BACH2: variants seen among roughly 807,000 people sequenced by gnomAD.
BACH2 encodes the protein transcription regulator protein BACH2.
In BACH2, 5 loss-of-function variants were observed where a neutral mutation model predicts 61.8. The ratio of observed to expected loss-of-function variants is 0.08; its 90% CI spans 0.04 to 0.17. The LOEUF is 0.17. Ranked by LOEUF, BACH2 falls within the 10% of genes least tolerant of loss-of-function variation. The pLI is 1.00. For missense variants in BACH2, 824 were observed against 1,091.1 expected, an observed-to-expected ratio of 0.76 and a Z score of 3.45; for synonymous variants, 446 against 440.1, an observed-to-expected ratio of 1.01 and a Z score of -0.17.
intron 2 of BACH2, among the ~76,000 whole-genome samples, chr6:90,263,674 A>G (rs1293331520): frequency 6.6e-6 from 1 of 152,206 alleles, no homozygotes; most frequent in Non-Finnish European, 1.5e-5. Flanking sequence ...TGATGACATC[A>G]AGCTTAACAT....
intron 6 of BACH2, among the ~76,000 whole-genome samples, chr6:89,959,265 T>C (rs150572874): frequency 8.5e-5 from 13 of 152,164 alleles, no homozygotes; most frequent in African/African-American, 3.1e-4. Context: ...CTGAAAAACA[T>C]GGTCAGCCCA....
intron 5 of BACH2, among the ~76,000 whole-genome samples, chr6:90,054,111 T>G (rs957454227): frequency 6.6e-6 from 1 of 151,696 alleles, no homozygotes; most frequent in Non-Finnish European, 1.5e-5. Flanking sequence ...GAGTGCCAGA[T>G]AGTAGGTGCA....
At chr6:90,055,463 T>C (rs1277908266) in intron 5 of BACH2, among the ~76,000 whole-genome samples, 1 of 152,072 alleles carries the variant, frequency 6.6e-6, no homozygotes, top group Non-Finnish European at 1.5e-5. Flanking sequence ...TCAAGAAATA[T>C]GGGACTATGT....
rs1380091667 is a variant in BACH2, at chr6:90,092,289, AAAATAT to A, written c.-161-3186_-161-3181del. Among the ~76,000 whole-genome samples the A allele has an allele frequency of 8.9e-3, 224 of 25,294 alleles. 9 individuals carry two copies. The South Asian group carries it at 0.18, about 21-fold the overall frequency. The allele number at this position is 25,294 out of a possible 152,430, so 16.6% of individuals were successfully genotyped here. On this transcript the variant is annotated intron_variant, in intron 4 of 8. Transcript: ENST00000257749. ...TGGCACACTGTCAAAGTAAAAAAAAAAAATATATATATATATATATATATATACACA... is the reference window on the plus strand; with the variant it reads ...TGGCACACTGTCAAAGTAAAAAAAAAATATATATATATATATATATACACA...
intron 4 of BACH2, among the ~76,000 whole-genome samples, chr6:90,100,482 A>C (rs1782566439): frequency 6.6e-6 from 1 of 152,138 alleles, no homozygotes; most frequent in African/African-American, 2.4e-5. Flanking sequence ...TCATCCAATC[A>C]GTTGAAGGCC....
chr6:90,222,065 A>G (rs1181123779), intron 3 of BACH2, among the ~76,000 whole-genome samples: 1 of 152,228 alleles, frequency 6.6e-6, no homozygotes. Context: ...TTAACATGCT[A>G]TCAATATAAA....
chr6:90,164,025 A>G (rs1767508520), intron 4 of BACH2, among the ~76,000 whole-genome samples: 1 of 152,208 alleles, frequency 6.6e-6, no homozygotes, highest in South Asian at 2.1e-4. Context: ...AAGAGCAATC[A>G]CATTCAAAAG....
rs955750909 is a variant in BACH2, at chr6:89,951,916, C to T, written c.244-54G>A. 61 of 1,566,698 alleles carry T rather than the reference C, an allele frequency of 3.9e-5. No individual in the cohort carries two copies. Among genetic ancestry groups the T allele is most frequent in the Admixed American group, 2.3e-4 (13 of 57,348 alleles). On this transcript the variant is annotated intron_variant, in intron 6 of 8. Coordinates refer to ENST00000257749, the MANE Select transcript of BACH2 (RefSeq NM_021813.4). This position sits in a 1 kb window ranked among gnomAD's most constrained non-coding sequence, Gnocchi z 6.4. ...ATTACCATCAGCACTGCTATTGTCC[C>T]GAATCCCTCAACTGAAGCAAGATAA... is the stretch of plus-strand genomic sequence containing the variant.
chr6:90,003,120 C>T (rs926503819), intron 6 of BACH2, among the ~76,000 whole-genome samples: 13 of 152,166 alleles, frequency 8.5e-5, no homozygotes, highest in Non-Finnish European at 1.9e-4. Flanking sequence ...TTTATTTTCA[C>T]GTGGCACTCA....
chr6:90,246,177 A>T (rs1162955708), intron 3 of BACH2, among the ~76,000 whole-genome samples: 1 of 152,128 alleles, frequency 6.6e-6, no homozygotes, highest in Non-Finnish European at 1.5e-5. Flanking sequence ...CTAGGATTCC[A>T]ATTTTATTCT....
chr6:90,184,389 G>GT (rs1768276132), intron 4 of BACH2, among the ~76,000 whole-genome samples: 1 of 152,124 alleles, frequency 6.6e-6, no homozygotes, highest in Non-Finnish European at 1.5e-5. Flanking sequence ...AGAAAAAAAG[G>GT]TAAGAGCTGG....
rs372214373 is a variant in BACH2, at chr6:89,932,727, A to G, written c.2207T>C (p.Met736Thr). Residue 736 changes from methionine (M) to threonine (T), a missense_variant, in exon 9 of 9, where the codon ATG (methionine) becomes ACG (threonine). By Grantham distance (81) the Met-to-Thr change is moderately conservative. Coordinates refer to ENST00000257749, the MANE Select transcript of BACH2 (RefSeq NM_021813.4). ...AATACTGGAGGCCGTGGGCAAGTCC[A>G]TGGGTCTGAGGACAGGGCAATACCG... ...LHRYCPVLRP[M>T]DLPTASSINP... 10 of 1,614,012 alleles carry G rather than the reference A, an allele frequency of 6.2e-6. No individual in the cohort carries two copies. The highest frequency in any genetic ancestry group is 2.7e-5 in the African/African-American group (2 of 74,914).
chr6:90,061,501 G>C (rs963328768), intron 5 of BACH2, among the ~76,000 whole-genome samples: 1 of 152,166 alleles, frequency 6.6e-6, no homozygotes, highest in African/African-American at 2.4e-5. Context: ...GACATGTCAA[G>C]TACCCTGTTG....
Position 90,259,391 on chromosome 6 carries a change from T to A in BACH2, c.-352-6801A>T, listed in dbSNP as rs532492409. 2.0e-5 allele frequency among the ~76,000 whole-genome samples: 3 copies of A among 152,346 alleles called. No homozygotes were observed. The South Asian group carries it at 6.2e-4, about 32-fold the overall frequency. ...TCACTACTGATTGATCTGCAGATGT[T>A]AAACCAGCTTTGTATGCCAGGGATA... On this transcript the variant is annotated intron_variant, in intron 2 of 8. Transcript: ENST00000257749.
At chr6:90,089,623 T>C (rs1320904420) in intron 4 of BACH2, among the ~76,000 whole-genome samples, 2 of 152,180 alleles carry the variant, frequency 1.3e-5, no homozygotes, top group African/African-American at 4.8e-5. Context: ...ACTTAATACA[T>C]GCTTATTGTA....
chr6:90,082,491 A>G (rs2127805379), intron 5 of BACH2, among the ~76,000 whole-genome samples: 1 of 152,320 alleles, frequency 6.6e-6, no homozygotes, highest in South Asian at 2.1e-4. Context: ...ATAAGATGAC[A>G]CTTAAAGGCA....
intron 8 of BACH2, among the ~76,000 whole-genome samples, chr6:89,935,489 G>A (rs1238340593): frequency 6.6e-6 from 1 of 152,198 alleles, no homozygotes; most frequent in African/African-American, 2.4e-5. Context: ...GGTGCCGCGT[G>A]TGACAGCAGC....
intron 6 of BACH2, among the ~76,000 whole-genome samples, chr6:89,989,583 A>G (rs1349984383): frequency 6.6e-6 from 1 of 152,144 alleles, no homozygotes; most frequent in Non-Finnish European, 1.5e-5. Flanking sequence ...GGCAGCATGC[A>G]TTATAGTTGC....
At chr6:90,219,859 C>T (rs779659046) in intron 3 of BACH2, among the ~76,000 whole-genome samples, 1 of 152,140 alleles carries the variant, frequency 6.6e-6, no homozygotes, top group Non-Finnish European at 1.5e-5. Context: ...TGACGTCAGT[C>T]TCACACAGGA....
Sources: gnomAD v4.1 joint callset for allele counts (sites outside exome capture counted in the v4.1 genomes callset) on GRCh38, gnomAD v4.1.1 for gene constraint, Gnocchi (gnomAD v3.1) non-coding constraint, MANE v1.5 for transcripts, NCBI Gene and HGNC (gene_info 2026-07-23, HGNC 2026-07-21) for gene names.